Variants in HS6ST3 observed in about 807,000 individuals in gnomAD.
HS6ST3 encodes heparan sulfate 6-O-sulfotransferase 3, also known as heparan-sulfate 6-O-sulfotransferase 3.
In HS6ST3, 12 loss-of-function variants were observed where a neutral mutation model predicts 36.7. That is an observed-to-expected ratio of 0.33 (90% CI 0.21 to 0.53). The LOEUF (loss-of-function observed/expected upper bound fraction) is 0.53. HS6ST3 is among the 20% of genes least tolerant of loss of function. The pLI, the probability that HS6ST3 is intolerant of heterozygous loss-of-function variation, is 0.95. For synonymous variants in HS6ST3, 240 were observed against 257.5 expected (o/e 0.93, Z 0.65); for missense variants, 584 against 640.9 (o/e 0.91, Z 0.96).
At chr13:96,737,542 G>A (rs1174344143) in intron 1 of HS6ST3, among the ~76,000 whole-genome samples, 1 of 148,972 alleles carries the variant, frequency 6.7e-6, no homozygotes, top group Non-Finnish European at 1.5e-5. Context: ...GGAGAATGGC[G>A]TGAACCCGGG....
At chr13:96,639,273 A>G (rs1301670987) in intron 1 of HS6ST3, among the ~76,000 whole-genome samples, 3 of 152,018 alleles carry the variant, frequency 2.0e-5, no homozygotes, top group African/African-American at 7.2e-5. Context: ...TTTTATCAGT[A>G]TAAAATGTCC....
At chr13:96,482,374 T>G (rs2055894084) in intron 1 of HS6ST3, among the ~76,000 whole-genome samples, 1 of 152,202 alleles carries the variant, frequency 6.6e-6, no homozygotes, top group Non-Finnish European at 1.5e-5. Flanking sequence ...TCTGCCTCCT[T>G]GAAACCAAAT....
chr13:96,731,645 A>C (rs1404803281), intron 1 of HS6ST3, among the ~76,000 whole-genome samples: 1 of 151,436 alleles, frequency 6.6e-6, no homozygotes. Context: ...TGGTAGTTCA[A>C]TTTTTAGTTT....
chr13:96,257,883 C>T (rs1006755927), intron 1 of HS6ST3, among the ~76,000 whole-genome samples: 1 of 152,130 alleles, frequency 6.6e-6, no homozygotes, highest in Non-Finnish European at 1.5e-5. Context: ...GTTACAAGAG[C>T]TGATATTTCA....
At chr13:96,658,955 C>T (rs2056636832) in intron 1 of HS6ST3, among the ~76,000 whole-genome samples, 1 of 152,124 alleles carries the variant, frequency 6.6e-6, no homozygotes, top group Non-Finnish European at 1.5e-5. Context: ...TAATCCACCG[C>T]CTCTGCCTCC....
chr13:96,296,886 T>C (rs2054857502), intron 1 of HS6ST3, among the ~76,000 whole-genome samples: 1 of 152,182 alleles, frequency 6.6e-6, no homozygotes, highest in Admixed American at 6.6e-5. Context: ...ACACAGTTCC[T>C]TGGATACCAA....
In HS6ST3 at chr13:96,755,020, T is replaced by A. The variant is rs34864787; in HGVS notation, c.708-77470T>A. On this transcript the variant is annotated intron_variant, in intron 1 of 1. Coordinates refer to ENST00000376705, the MANE Select transcript of HS6ST3 (RefSeq NM_153456.4). ...TTAATTTTTTTTTAAATTACACTAATGTTAGGACTGTGAGATGCACAGATC... is the reference window on the plus strand; with the variant it reads ...TTAATTTTTTTTTAAATTACACTAAAGTTAGGACTGTGAGATGCACAGATC... Among the ~76,000 whole-genome samples the A allele has an allele frequency of 1.2e-3, 176 of 152,276 alleles. 3 individuals are homozygous for A. Among genetic ancestry groups the A allele is most frequent in the South Asian group, 1.9e-3 (9 of 4,824 alleles).
chr13:96,745,392 G>A (rs1043192073), intron 1 of HS6ST3, among the ~76,000 whole-genome samples: 3 of 152,058 alleles, frequency 2.0e-5, no homozygotes, highest in Non-Finnish European at 4.4e-5. Context: ...AGGATTTAAG[G>A]CAGTGCCCAG....
intron 1 of HS6ST3, among the ~76,000 whole-genome samples, chr13:96,378,445 A>G (rs1035608873): frequency 3.3e-5 from 5 of 152,198 alleles, no homozygotes; most frequent in African/African-American, 1.2e-4. Context: ...CAGCTCATCC[A>G]ACAAGCTACC....
chr13:96,355,509 G>T (rs2055206121), intron 1 of HS6ST3, among the ~76,000 whole-genome samples: 1 of 151,820 alleles, frequency 6.6e-6, no homozygotes, highest in Admixed American at 6.6e-5. Context: ...ATAAATATTT[G>T]GTTTCCTAGT....
intron 1 of HS6ST3, among the ~76,000 whole-genome samples, chr13:96,554,394 A>G (rs567298375): frequency 1.3e-5 from 2 of 152,234 alleles, no homozygotes; most frequent in African/African-American, 4.8e-5. Flanking sequence ...TAAGAGTACC[A>G]TATTTAATCA....
chr13:96,453,569 A>G (rs940703796), intron 1 of HS6ST3, among the ~76,000 whole-genome samples: 9 of 152,200 alleles, frequency 5.9e-5, no homozygotes, highest in African/African-American at 2.2e-4. Flanking sequence ...CCGTGCCTCA[A>G]TATGCCTTTC....
intron 1 of HS6ST3, among the ~76,000 whole-genome samples, chr13:96,687,696 G>C (rs1874824010): frequency 6.6e-6 from 1 of 151,860 alleles, no homozygotes; most frequent in African/African-American, 2.4e-5. Flanking sequence ...CAGGTGTGGT[G>C]GTTGGTGGCA....
intron 1 of HS6ST3, among the ~76,000 whole-genome samples, chr13:96,146,583 A>G: frequency 6.6e-6 from 1 of 152,166 alleles, no homozygotes; most frequent in East Asian, 1.9e-4. Context: ...GATGCCTCCT[A>G]ATATGTATTT....
chr13:96,109,197 A>T (rs944925030), intron 1 of HS6ST3, among the ~76,000 whole-genome samples: 2 of 152,172 alleles, frequency 1.3e-5, no homozygotes, highest in African/African-American at 4.8e-5. Context: ...TGTCACAAGC[A>T]TTGCCCGATA....
At chr13:96,363,772 G>C (rs1447243610) in intron 1 of HS6ST3, among the ~76,000 whole-genome samples, 5 of 152,148 alleles carry the variant, frequency 3.3e-5, no homozygotes, top group African/African-American at 4.8e-5. Context: ...AACAAAAGAT[G>C]AGAAGGAAAG....
chr13:96,622,348 T>C (rs2056498151), intron 1 of HS6ST3, among the ~76,000 whole-genome samples: 1 of 152,218 alleles, frequency 6.6e-6, no homozygotes, highest in South Asian at 2.1e-4. Flanking sequence ...GGGAGAAATA[T>C]CATTTCCTGT....
chr13:96,391,143 A>C (rs953222678), intron 1 of HS6ST3, among the ~76,000 whole-genome samples: 31 of 152,208 alleles, frequency 2.0e-4, no homozygotes, highest in African/African-American at 7.5e-4. Context: ...AAATACCTTC[A>C]TCTTCAAGAT....
chr13:96,540,802 G>A (rs751028257), intron 1 of HS6ST3, among the ~76,000 whole-genome samples: 10 of 152,060 alleles, frequency 6.6e-5, no homozygotes, highest in Non-Finnish European at 1.5e-4. Flanking sequence ...TGGTTCTGAG[G>A]ACCTTCTGGA....
Sources: allele counts gnomAD v4.1 joint callset (sites outside exome capture counted in the v4.1 genomes callset), GRCh38; gene constraint gnomAD v4.1.1; transcripts MANE v1.5; gene names NCBI Gene and HGNC (gene_info 2026-07-23, HGNC 2026-07-21).